AFF3: variants seen among roughly 807,000 people sequenced by gnomAD.
The protein encoded by AFF3 is AF4/FMR2 family member 3.
A neutral mutation model predicts 129.7 loss-of-function variants in AFF3; 32 were observed. The observed-to-expected ratio is 0.25, with a 90% CI of 0.19 to 0.33. AFF3 has a LOEUF of 0.33. AFF3 is among the 10% of genes least tolerant of loss of function. The probability of loss-of-function intolerance (pLI) is 1.00; values close to 1 mark genes in which losing one functional copy is unlikely to be tolerated. For synonymous variants in AFF3, 644 were observed against 635.4 expected (o/e 1.01, Z -0.20); for missense variants, 1,373 against 1,592.0 (o/e 0.86, Z 2.34).
At chr2:99,958,715 TATG>T (rs1676910140) in intron 7 of AFF3, among the ~76,000 whole-genome samples, 1 of 151,934 alleles carries the variant, frequency 6.6e-6, no homozygotes, top group Non-Finnish European at 1.5e-5. Flanking sequence ...CACACAGTAT[TATG>T]ACCTATGGGT....
chr2:100,060,862 A>G (rs1402222969), intron 4 of AFF3, among the ~76,000 whole-genome samples: 1 of 152,104 alleles, frequency 6.6e-6, no homozygotes, highest in East Asian at 1.9e-4. Flanking sequence ...CTGTCCCAAG[A>G]TCCCATCCCA....
At chr2:100,058,101 G>C (rs1686953692) in intron 4 of AFF3, among the ~76,000 whole-genome samples, 1 of 152,182 alleles carries the variant, frequency 6.6e-6, no homozygotes, top group African/African-American at 2.4e-5. Context: ...TACAGTTTTA[G>C]TATCAACTAC....
intron 4 of AFF3, among the ~76,000 whole-genome samples, chr2:100,089,058 G>T (rs569703108): frequency 6.6e-6 from 1 of 152,226 alleles, no homozygotes; most frequent in Admixed American, 6.5e-5. Flanking sequence ...TACAGACCCT[G>T]CCTGCTCTAA....
At chr2:99,909,628 A>G (rs557289064) in intron 7 of AFF3, among the ~76,000 whole-genome samples, 104 of 152,102 alleles carry the variant, frequency 6.8e-4, no homozygotes, top group African/African-American at 2.4e-3. Context: ...AAAAGAAAAG[A>G]AAAAAGAAAA....
intron 24 of AFF3, among the ~76,000 whole-genome samples, chr2:99,553,936 A>G (rs1452811265): frequency 2.0e-5 from 3 of 149,674 alleles, no homozygotes; most frequent in Admixed American, 6.7e-5. Flanking sequence ...AAAAAAAAAA[A>G]AAAAAGAAAA....
rs58303232 is a variant in AFF3 at position 99,724,271 on chromosome 2, C to CTTTTTTTTTTTTTTTTTTTTTTTTT, written c.1091+2805_1091+2806insAAAAAAAAAAAAAAAAAAAAAAAAA. The stretch of plus-strand genomic sequence containing the variant: ...TCCTCACTTCAGTGGAATGACCTTT[C>CTTTTTTTTTTTTTTTTTTTTTTTTT]TTTTTTTTTTTTTTTTTTTGAGACA... On this transcript the variant is annotated intron_variant, in intron 11 of 24. Coordinates refer to ENST00000672756, the MANE Select transcript of AFF3 (RefSeq NM_001386135.1). 2.2e-4 allele frequency among the ~76,000 whole-genome samples: 15 copies of CTTTTTTTTTTTTTTTTTTTTTTTTT among 66,864 alleles called. 3 individuals carry two copies. The highest frequency in any genetic ancestry group is 5.9e-4 in the African/African-American group (9 of 15,264). The allele number at this position is 66,864 out of a possible 152,430, so 43.9% of individuals were successfully genotyped here.
intron 12 of AFF3, among the ~76,000 whole-genome samples, chr2:99,653,547 A>T (rs907064909): frequency 6.6e-6 from 1 of 152,350 alleles, no homozygotes; most frequent in South Asian, 2.1e-4. Flanking sequence ...AAACAAAAAG[A>T]AGAAACACTG....
chr2:99,849,989 T>C (rs1253930878), intron 7 of AFF3, among the ~76,000 whole-genome samples: 3 of 152,222 alleles, frequency 2.0e-5, no homozygotes, highest in Non-Finnish European at 4.4e-5. Context: ...CCTGTCCTCA[T>C]GGAGTTTATA....
intron 24 of AFF3, among the ~76,000 whole-genome samples, chr2:99,554,031 A>G (rs1470138694): frequency 6.6e-6 from 1 of 152,162 alleles, no homozygotes; most frequent in Non-Finnish European, 1.5e-5. Flanking sequence ...CACAGTGGAA[A>G]AAAATTGGAA....
chr2:100,126,342 G>A (rs1437429040), intron 2 of AFF3, among the ~76,000 whole-genome samples: 3 of 152,174 alleles, frequency 2.0e-5, no homozygotes, highest in African/African-American at 7.2e-5. Context: ...GCATGAGGCC[G>A]GGCCAGCTGC....
At chr2:100,128,141 T>C (rs1335526698) in intron 2 of AFF3, among the ~76,000 whole-genome samples, 1 of 152,200 alleles carries the variant, frequency 6.6e-6, no homozygotes, top group African/African-American at 2.4e-5. Context: ...CACCCCTTGT[T>C]TAGCGTATCA....
In AFF3 at chr2:99,558,867, G is replaced by C. The variant is rs1288659846; in HGVS notation, c.3285+8C>G. The stretch of plus-strand genomic sequence containing the variant: ...AAGGAACAATTCTGCTCATTCACTA[G>C]ACAGTACCTTGAAATAGTCGATTAG... On this transcript the variant is annotated splice_region_variant and intron_variant, in intron 22 of 24. Coordinates refer to ENST00000672756, the MANE Select transcript of AFF3 (RefSeq NM_001386135.1). 6.2e-7 allele frequency: 1 copy of C among 1,612,508 alleles called. No homozygotes were observed. The highest frequency in any genetic ancestry group is 8.5e-7 in the Non-Finnish European group (1 of 1,178,642).
At position 99,727,124 on chromosome 2, in the gene AFF3, T is replaced by A. The variant is rs753500498; in HGVS notation, c.1044A>T (p.Lys348Asn). Reference sequence around the variant, plus strand: ...CTGGACTCTCTGGCTCTGCATCACCTTTCTCTTAAAAAGGAAGCAGAAAAA... The same window carrying A: ...CTGGACTCTCTGGCTCTGCATCACCATTCTCTTAAAAAGGAAGCAGAAAAA... ...LVSSGHNNPK[K>N]GDAEPESPDN... Residue 348 changes from lysine to asparagine, a missense_variant, in exon 11 of 25, where the codon AAA becomes AAT. Lys to Asn is a moderately conservative substitution (Grantham distance 94). Coordinates refer to ENST00000672756, the MANE Select transcript of AFF3 (RefSeq NM_001386135.1). 1.2e-6 allele frequency: 2 copies of A among 1,609,544 alleles called. No individual in the cohort carries two copies. The highest frequency in any genetic ancestry group is 1.7e-6 in the Non-Finnish European group (2 of 1,178,766).
At chr2:99,761,406 G>A (rs1682580918) in intron 8 of AFF3, among the ~76,000 whole-genome samples, 1 of 152,090 alleles carries the variant, frequency 6.6e-6, no homozygotes, top group African/African-American at 2.4e-5. Flanking sequence ...CAGCAAGACT[G>A]ACGCCAGTCT....
intron 10 of AFF3, 41 bp downstream of exon 10, chr2:99,744,063 C>T (rs1680938315): frequency 2.5e-6 from 4 of 1,573,218 alleles, no homozygotes; most frequent in Admixed American, 1.7e-5. Context: ...GCCCCCACCC[C>T]CTGCTCCCCA....
intron 7 of AFF3, among the ~76,000 whole-genome samples, chr2:99,901,713 T>A (rs1558960152): frequency 6.6e-6 from 1 of 152,200 alleles, no homozygotes. Flanking sequence ...CTTCCACTCA[T>A]TCTTATCAAA....
At chr2:99,845,575 A>G (rs1289199597) in intron 7 of AFF3, among the ~76,000 whole-genome samples, 1 of 152,176 alleles carries the variant, frequency 6.6e-6, no homozygotes, top group Non-Finnish European at 1.5e-5. Flanking sequence ...CTCTGTCAAC[A>G]CTGGGTGAAG....
intron 4 of AFF3, among the ~76,000 whole-genome samples, chr2:100,031,503 CTACACCCAGTAGCAATGAG>C (rs1249920644): frequency 6.6e-6 from 1 of 152,170 alleles, no homozygotes; most frequent in Non-Finnish European, 1.5e-5. Flanking sequence ...CTGAGTGACC[CTACACCCAGTAGCAATGAG>C]TACACCTAGC....
chr2:99,723,544 G>C (rs1309122575), intron 11 of AFF3, among the ~76,000 whole-genome samples: 2 of 152,100 alleles, frequency 1.3e-5, no homozygotes, highest in African/African-American at 4.8e-5. Context: ...TGCTAGCCCT[G>C]TTTTCTTCGC....
Sources: allele counts gnomAD v4.1 joint callset (sites outside exome capture counted in the v4.1 genomes callset), GRCh38; gene constraint gnomAD v4.1.1; transcripts MANE v1.5; gene names NCBI Gene and HGNC (gene_info 2026-07-23, HGNC 2026-07-21).